Variants in FARS2 observed in about 807,000 individuals in gnomAD.
The protein encoded by FARS2 is phenylalanyl-tRNA synthetase 2, mitochondrial, also known as phenylalanine--tRNA ligase, mitochondrial.
A neutral mutation model predicts 46.4 loss-of-function variants in FARS2; 40 were observed. The observed-to-expected ratio is 0.86, with a 90% CI of 0.67 to 1.12. FARS2 has a LOEUF of 1.12. Ranked by LOEUF, FARS2 falls within the 50% of genes most tolerant of loss-of-function variation. The probability of loss-of-function intolerance (pLI) is 0.00; values close to 1 mark genes in which losing one functional copy is unlikely to be tolerated. For missense variants in FARS2, 513 were observed against 567.9 expected, an observed-to-expected ratio of 0.90 and a Z score of 0.98; for synonymous variants, 234 against 214.9, an observed-to-expected ratio of 1.09 and a Z score of -0.78.
intron 4 of FARS2, among the ~76,000 whole-genome samples, chr6:5,463,383 C>T (rs373617174): frequency 7.9e-5 from 12 of 152,168 alleles, no homozygotes; most frequent in African/African-American, 2.7e-4. Flanking sequence ...TGTCCTTGTG[C>T]GTTCTGAAAC....
intron 6 of FARS2, among the ~76,000 whole-genome samples, chr6:5,669,517 A>G (rs1181770912): frequency 6.6e-6 from 1 of 152,030 alleles, no homozygotes; most frequent in Non-Finnish European, 1.5e-5. Context: ...GTGGCTGGGG[A>G]GAGCCACCGT....
chr6:5,568,737 G>A (rs1204739716), intron 5 of FARS2, among the ~76,000 whole-genome samples: 1 of 152,182 alleles, frequency 6.6e-6, no homozygotes, highest in Admixed American at 6.5e-5. Flanking sequence ...AAGGCAATTA[G>A]CAAGACATCC....
At chr6:5,420,866 T>A (rs1762507794) in intron 3 of FARS2, among the ~76,000 whole-genome samples, 1 of 152,164 alleles carries the variant, frequency 6.6e-6, no homozygotes, top group Non-Finnish European at 1.5e-5. Flanking sequence ...GCCCACAGTG[T>A]GCCATCCTGC....
upstream of FARS2, chr6:5,260,687 A>G: frequency 6.5e-7 from 1 of 1,547,432 alleles, no homozygotes. Flanking sequence ...CTCTCTCAGC[A>G]TCGCCCGGTA....
chr6:5,654,689 G>T (rs1274111203), intron 6 of FARS2, among the ~76,000 whole-genome samples: 1 of 152,074 alleles, frequency 6.6e-6, no homozygotes, highest in Non-Finnish European at 1.5e-5. Context: ...GAGACCCCTC[G>T]GTGGGAGGTT....
intron 6 of FARS2, among the ~76,000 whole-genome samples, chr6:5,756,149 C>A (rs915206427): frequency 2.0e-5 from 3 of 152,176 alleles, no homozygotes; most frequent in Non-Finnish European, 4.4e-5. Flanking sequence ...AAAATCTAAG[C>A]TCTAGGTTAC....
At chr6:5,272,845 G>A (rs920530945) in intron 1 of FARS2, among the ~76,000 whole-genome samples, 1 of 152,146 alleles carries the variant, frequency 6.6e-6, no homozygotes, top group Non-Finnish European at 1.5e-5. Context: ...GTCACCACCA[G>A]TCTATTCTCT....
intron 1 of FARS2, among the ~76,000 whole-genome samples, chr6:5,314,307 G>A (rs781498990): frequency 4.6e-4 from 70 of 152,112 alleles, no homozygotes; most frequent in Non-Finnish European, 7.8e-4. Flanking sequence ...CAGCAGAACC[G>A]TTTATGGATG....
chr6:5,593,728 G>A (rs960670219), intron 5 of FARS2, among the ~76,000 whole-genome samples: 1 of 152,180 alleles, frequency 6.6e-6, no homozygotes, highest in Non-Finnish European at 1.5e-5. Context: ...ATAGGAAAAT[G>A]TTTCATTCGA....
Position 5,369,033 on chromosome 6 carries a change from C to T in FARS2, c.463C>T (p.His155Tyr). 6.2e-7 allele frequency: 1 copy of T among 1,613,928 alleles called. No homozygotes were observed. Among genetic ancestry groups the T allele is most frequent in the Non-Finnish European group, 8.5e-7 (1 of 1,179,902 alleles). The change falls in exon 2 of 7, where the codon CAC becomes TAC. Residue 155 changes from histidine to tyrosine, a missense_variant. Physicochemically the swap from His to Tyr is moderately conservative, Grantham distance 83. Transcript: ENST00000274680. The stretch of plus-strand genomic sequence containing the variant: ...GAATCGGACTCACATGCTGAGAGCG[C>T]ACACGTCTGCACACCAGTGGGACTT... ...YLNRTHMLRA[H>Y]TSAHQWDLLH...
At chr6:5,281,636 CT>C (rs1766734193) in intron 1 of FARS2, among the ~76,000 whole-genome samples, 1 of 151,200 alleles carries the variant, frequency 6.6e-6, no homozygotes, top group South Asian at 2.1e-4. Context: ...CCCACCCCCC[CT>C]GCCCCCGGTA....
At chr6:5,711,516 G>A (rs1454779922) in intron 6 of FARS2, among the ~76,000 whole-genome samples, 2 of 152,146 alleles carry the variant, frequency 1.3e-5, no homozygotes, top group African/African-American at 4.8e-5. Context: ...ACGTGACCAA[G>A]GCCAACGTCA....
chr6:5,317,486 T>C (rs1053607026), intron 1 of FARS2, among the ~76,000 whole-genome samples: 18 of 152,098 alleles, frequency 1.2e-4, no homozygotes, highest in African/African-American at 3.6e-4. Context: ...AAACATAAAT[T>C]AATACCAGGC....
chr6:5,739,027 A>G (rs1192898814), intron 6 of FARS2, among the ~76,000 whole-genome samples: 1 of 151,944 alleles, frequency 6.6e-6, no homozygotes, highest in Non-Finnish European at 1.5e-5. Flanking sequence ...TGCTCTCCTT[A>G]CCCCCACCAT....
chr6:5,588,635 C>G (rs1773751370), intron 5 of FARS2, among the ~76,000 whole-genome samples: 1 of 152,212 alleles, frequency 6.6e-6, no homozygotes, highest in Non-Finnish European at 1.5e-5. Flanking sequence ...TCTGTTCAAC[C>G]AATGGGTTCC....
intron 6 of FARS2, among the ~76,000 whole-genome samples, chr6:5,697,131 T>C (rs1298723019): frequency 6.6e-6 from 1 of 152,180 alleles, no homozygotes; most frequent in East Asian, 1.9e-4. Context: ...ATTGTCAAAA[T>C]TTGGAAAATA....
At chr6:5,490,077 A>C (rs1023043911) in intron 4 of FARS2, among the ~76,000 whole-genome samples, 4 of 152,100 alleles carry the variant, frequency 2.6e-5, no homozygotes, top group African/African-American at 7.2e-5. Context: ...CCCCAAACCC[A>C]AGCAATCACT....
intron 6 of FARS2, among the ~76,000 whole-genome samples, chr6:5,698,400 G>A (rs755877921): frequency 8.5e-5 from 13 of 152,136 alleles, no homozygotes; most frequent in Non-Finnish European, 1.5e-4. Flanking sequence ...GCGCCATGAC[G>A]GATCCACCCC....
intron 6 of FARS2, among the ~76,000 whole-genome samples, chr6:5,629,059 GC>G (rs1180836453): frequency 1.6e-4 from 24 of 152,206 alleles, no homozygotes; most frequent in Non-Finnish European, 2.5e-4. Context: ...AGCTAGAACG[GC>G]TGAAAATCAG....
Sources: gnomAD v4.1 joint callset for allele counts (sites outside exome capture counted in the v4.1 genomes callset) on GRCh38, gnomAD v4.1.1 for gene constraint, MANE v1.5 for transcripts, NCBI Gene and HGNC (gene_info 2026-07-23, HGNC 2026-07-21) for gene names.